The following SCARA3 variants were observed in gnomAD, a reference collection of about 807,000 sequenced individuals.
SCARA3 encodes the protein scavenger receptor class A member 3.
A neutral mutation model predicts 47.0 loss-of-function variants in SCARA3; 39 were observed. That is an observed-to-expected ratio of 0.83 (90% CI 0.64 to 1.08). The LOEUF (loss-of-function observed/expected upper bound fraction) is 1.08. Among genes scored for constraint, SCARA3 ranks in the 50% least tolerant of loss-of-function variants. The probability of loss-of-function intolerance (pLI) is 0.00; values close to 1 mark genes in which losing one functional copy is unlikely to be tolerated. For missense variants in SCARA3, 724 were observed against 792.3 expected (o/e 0.91, Z 1.04); for synonymous variants, 356 against 334.1 (o/e 1.07, Z -0.71).
chr8:27,702,547 GCCATAGGGGAGTGAC>G, the SCARA3 span: 1 of 152,290 alleles, frequency 6.6e-6, no homozygotes, highest in South Asian at 2.1e-4. Flanking sequence ...AGGAGAGCGA[GCCATAGGGGAGTGAC>G]GCGTCCCTGG....
the SCARA3 span, among the ~76,000 whole-genome samples, chr8:27,689,324 T>C: frequency 6.6e-6 from 1 of 152,124 alleles, no homozygotes; most frequent in African/African-American, 2.4e-5. Flanking sequence ...CCTAGAATGC[T>C]GAGAGTGAAT....
At chr8:27,660,274 C>G (rs1307991167) in intron 5 of SCARA3, among the ~76,000 whole-genome samples, 1 of 151,652 alleles carries the variant, frequency 6.6e-6, no homozygotes, top group Non-Finnish European at 1.5e-5. Context: ...GAGAGATCCA[C>G]AGAAATAGAA....
At chr8:27,644,326 C>T (rs1801446884) in intron 1 of SCARA3, among the ~76,000 whole-genome samples, 1 of 152,204 alleles carries the variant, frequency 6.6e-6, no homozygotes, top group Non-Finnish European at 1.5e-5. Flanking sequence ...CTGTGCCTTT[C>T]ACTAGGAAAT....
chr8:27,699,527 C>T, the SCARA3 span, among the ~76,000 whole-genome samples: 1 of 152,114 alleles, frequency 6.6e-6, no homozygotes, highest in Non-Finnish European at 1.5e-5. Context: ...TTTTTAAAGA[C>T]ACTGACAAAA....
At chr8:27,636,829 C>G (rs1251388131) in intron 1 of SCARA3, among the ~76,000 whole-genome samples, 1 of 152,194 alleles carries the variant, frequency 6.6e-6, no homozygotes, top group East Asian at 1.9e-4. Flanking sequence ...GAAGAGCCGC[C>G]CCTCTACCAG....
the SCARA3 span, among the ~76,000 whole-genome samples, chr8:27,682,779 T>G: frequency 1.3e-5 from 2 of 152,178 alleles, no homozygotes; most frequent in Admixed American, 1.3e-4. Flanking sequence ...GAATGTAAAA[T>G]TATGTAACCA....
chr8:27,686,488 GACAAAA>G, the SCARA3 span, among the ~76,000 whole-genome samples: 1 of 151,874 alleles, frequency 6.6e-6, no homozygotes, highest in Non-Finnish European at 1.5e-5. Context: ...AAACTTTAAA[GACAAAA>G]AATAATAATA....
At chr8:27,670,667 G>A (rs1027255218) in intron 5 of SCARA3, among the ~76,000 whole-genome samples, 22 of 152,140 alleles carry the variant, frequency 1.4e-4, no homozygotes, top group Non-Finnish European at 2.9e-4. Context: ...AAGCTGGCCA[G>A]CCCCTTGTTC....
chr8:27,656,254 A>G (rs890384222), intron 3 of SCARA3, among the ~76,000 whole-genome samples: 3 of 152,216 alleles, frequency 2.0e-5, no homozygotes, highest in African/African-American at 7.2e-5. Flanking sequence ...GTCTCTTACT[A>G]GGCCTAATTT....
chr8:27,726,088 G>A, the SCARA3 span, among the ~76,000 whole-genome samples: 1 of 152,136 alleles, frequency 6.6e-6, no homozygotes, highest in East Asian at 1.9e-4. Context: ...GACCCTTAAA[G>A]TCTCTTCCAA....
At chr8:27,633,564 T>C (rs1209707944), upstream of SCARA3, among the ~76,000 whole-genome samples, 3 of 152,126 alleles carry the variant, frequency 2.0e-5, no homozygotes, top group Admixed American at 6.5e-5. Context: ...GCGGTCCCGA[T>C]AGTGAAATGG....
chr8:27,638,420 A>G (rs981881924), intron 1 of SCARA3, among the ~76,000 whole-genome samples: 2 of 151,398 alleles, frequency 1.3e-5, no homozygotes, highest in African/African-American at 4.9e-5. Flanking sequence ...AGTCCCTGGT[A>G]CTCCCTGGGG....
intron 1 of SCARA3, among the ~76,000 whole-genome samples, chr8:27,636,024 G>A (rs530485521): frequency 1.3e-5 from 2 of 152,286 alleles, no homozygotes; most frequent in African/African-American, 4.8e-5. Context: ...TAGGCTCTGC[G>A]GGATGAGCCA....
At chr8:27,725,351 A>G in the SCARA3 span, among the ~76,000 whole-genome samples, 7 of 151,276 alleles carry the variant, frequency 4.6e-5, no homozygotes, top group Non-Finnish European at 8.8e-5. Context: ...CTATTTCCTA[A>G]CCTCAGAAAT....
At chr8:27,668,815 A>G (rs892138538) in intron 5 of SCARA3, among the ~76,000 whole-genome samples, 1 of 152,206 alleles carries the variant, frequency 6.6e-6, no homozygotes, top group African/African-American at 2.4e-5. Flanking sequence ...TTCCAGCCAC[A>G]ACAGAGGAAG....
chr8:27,717,736 G>A, the SCARA3 span, among the ~76,000 whole-genome samples: 9 of 152,212 alleles, frequency 5.9e-5, no homozygotes, highest in South Asian at 1.9e-3. Context: ...AGAGATACAA[G>A]ATCGCACCAC....
chr8:27,665,116 G>A lies in SCARA3; in HGVS notation c.1369+5577G>A, dbSNP rs542789408. 5.3e-5 allele frequency among the ~76,000 whole-genome samples: 8 copies of A among 152,302 alleles called. 1 individual carries two copies. Among genetic ancestry groups the A allele is most frequent in the Admixed American group, 3.9e-4 (6 of 15,296 alleles). On this transcript the variant is annotated intron_variant, in intron 5 of 5. Coordinates refer to ENST00000301904, the MANE Select transcript of SCARA3 (RefSeq NM_016240.3). ...CTGGAATAAAGGGAGGGATTGCAGC[G>A]GCTGGAGCCATGTGGAAGGTGCCAA... is the stretch of plus-strand genomic sequence containing the variant.
chr8:27,722,183 T>C, the SCARA3 span, among the ~76,000 whole-genome samples: 2 of 152,222 alleles, frequency 1.3e-5, no homozygotes, highest in African/African-American at 4.8e-5. Context: ...ATGTATTCGA[T>C]TGTGGTTTCT....
chr8:27,670,865 C>T lies in SCARA3; in HGVS notation c.1370-35C>T, dbSNP rs200508329. 6.7e-6 allele frequency: 10 copies of T among 1,500,326 alleles called. No individual in the cohort carries two copies. The African/African-American group carries it at 1.1e-4, about 17-fold the overall frequency. 92.9% of individuals were successfully genotyped at this position (1,500,326 alleles called of 1,614,324 possible). A position where few individuals can be genotyped will look rare whatever the true frequency, so the allele number is the denominator to read the frequency against. On this transcript the variant is annotated intron_variant, in intron 5 of 5. Transcript: ENST00000301904. Reference sequence around the variant, plus strand: ...CGAGCCTCGGGTGGGGAGCCCCTGACAGACTGACCTCTCCCATCTTCTCTC... The same window carrying T: ...CGAGCCTCGGGTGGGGAGCCCCTGATAGACTGACCTCTCCCATCTTCTCTC...
Sources: gnomAD v4.1 joint callset for allele counts (sites outside exome capture counted in the v4.1 genomes callset) on GRCh38, gnomAD v4.1.1 for gene constraint, MANE v1.5 for transcripts, NCBI Gene and HGNC (gene_info 2026-07-23, HGNC 2026-07-21) for gene names.